The following ABTB2 variants were observed in gnomAD, a reference collection of about 807,000 sequenced individuals.
The protein encoded by ABTB2 is ankyrin repeat and BTB domain containing 2.
A neutral mutation model predicts 104.1 loss-of-function variants in ABTB2; 56 were observed. The ratio of observed to expected loss-of-function variants is 0.54; its 90% CI spans 0.43 to 0.67. ABTB2 has a LOEUF of 0.67. Ranked by LOEUF, ABTB2 falls within the 30% of genes least tolerant of loss-of-function variation. The pLI, the probability that ABTB2 is intolerant of heterozygous loss-of-function variation, is 0.00. For synonymous variants in ABTB2, 606 were observed against 608.2 expected (o/e 1.00, Z 0.05); for missense variants, 1,279 against 1,407.7 (o/e 0.91, Z 1.46).
chr11:34,342,961 ATTCG>A (rs1305425314), intron 1 of ABTB2, among the ~76,000 whole-genome samples: 2 of 149,090 alleles, frequency 1.3e-5, no homozygotes, highest in East Asian at 3.9e-4. Context: ...TTATTTATTT[ATTCG>A]TTCATTCATT....
At chr11:34,244,497 T>C (rs1853960396) in intron 1 of ABTB2, among the ~76,000 whole-genome samples, 1 of 152,226 alleles carries the variant, frequency 6.6e-6, no homozygotes, top group Non-Finnish European at 1.5e-5. Context: ...GGATATCTCA[T>C]TGTAACTGAA....
chr11:34,315,563 C>A (rs1854916399), intron 1 of ABTB2, among the ~76,000 whole-genome samples: 1 of 152,132 alleles, frequency 6.6e-6, no homozygotes, highest in African/African-American at 2.4e-5. Flanking sequence ...GTTCTGGGTT[C>A]CCATTCTCCT....
In ABTB2 at chr11:34,357,578, G is replaced by A. The variant is rs1855483872; in HGVS notation, c.6C>T (p.Ala2=). 2.6e-6 allele frequency: 4 copies of A among 1,510,336 alleles called. No homozygotes were observed. Among genetic ancestry groups the A allele is most frequent in the Non-Finnish European group, 3.5e-6 (4 of 1,128,610 alleles). 93.6% of individuals were successfully genotyped at this position (1,510,336 alleles called of 1,614,324 possible). A position where few individuals can be genotyped will look rare whatever the true frequency, so the allele number is the denominator to read the frequency against. The change falls in exon 1 of 17, where the codon GCC becomes GCT. Residue 2 remains alanine, a synonymous_variant. Coordinates refer to ENST00000435224, the MANE Select transcript of ABTB2 (RefSeq NM_145804.3). M[A]GTYSSTLKTL... ...TCTTCAGAGTCGAGCTGTACGTCCC[G>A]GCCATGGGGAGCCTGCCGAGGGCGG...
At chr11:34,164,545 C>T in intron 9 of ABTB2, 141 bp downstream of exon 9, 1 of 1,045,300 alleles carries the variant, frequency 9.6e-7, no homozygotes, top group Non-Finnish European at 1.3e-6. Flanking sequence ...CCCCATGTTT[C>T]TGGTTTACTA....
rs188330708 is a variant in ABTB2, at chr11:34,288,611, G to A, written c.883+68090C>T. The stretch of plus-strand genomic sequence containing the variant: ...CCTCATTAGTCTCTTGGTTGTTTTC[G>A]GCCCAGGAGGAGGGTAGGGGCGGGA... On this transcript the variant is annotated intron_variant, in intron 1 of 16. Transcript: ENST00000435224. 2.6e-5 allele frequency among the ~76,000 whole-genome samples: 4 copies of A among 152,092 alleles called. No homozygotes were observed. The East Asian group carries it at 5.8e-4, about 22-fold the overall frequency.
At chr11:34,251,159 A>G (rs1480822097) in intron 1 of ABTB2, among the ~76,000 whole-genome samples, 1 of 152,206 alleles carries the variant, frequency 6.6e-6, no homozygotes, top group African/African-American at 2.4e-5. Flanking sequence ...GGAGCCTCTC[A>G]GAGGCAAGGA....
intron 1 of ABTB2, among the ~76,000 whole-genome samples, chr11:34,342,801 C>T (rs1396611627): frequency 2.0e-5 from 3 of 152,176 alleles, no homozygotes; most frequent in East Asian, 3.9e-4. Context: ...ACCTGCATGA[C>T]CGTGAGCAAG....
intron 1 of ABTB2, among the ~76,000 whole-genome samples, chr11:34,320,544 C>T (rs1030494809): frequency 4.6e-5 from 7 of 152,196 alleles, no homozygotes; most frequent in Non-Finnish European, 8.8e-5. Flanking sequence ...TACCTCACCA[C>T]AGTAGAATTT....
chr11:34,164,873 G>A (rs1269099789), intron 8 of ABTB2, 52 bp from the exon 9 acceptor site: 1 of 1,560,212 alleles, frequency 6.4e-7, no homozygotes. Flanking sequence ...AGCCGCCAGG[G>A]CAGCTGAGGC....
chr11:34,213,445 C>T (rs1853508678), intron 1 of ABTB2, among the ~76,000 whole-genome samples: 1 of 152,210 alleles, frequency 6.6e-6, no homozygotes, highest in South Asian at 2.1e-4. Flanking sequence ...GCTGCCACTG[C>T]ACTCCAGCCT....
chr11:34,219,631 T>C (rs1323540543), intron 1 of ABTB2, among the ~76,000 whole-genome samples: 1 of 152,244 alleles, frequency 6.6e-6, no homozygotes, highest in African/African-American at 2.4e-5. Context: ...TTACCTTTTC[T>C]ATATTTAGAT....
At chr11:34,186,589 G>A (rs978400189) in intron 3 of ABTB2, among the ~76,000 whole-genome samples, 1 of 152,178 alleles carries the variant, frequency 6.6e-6, no homozygotes, top group Non-Finnish European at 1.5e-5. Flanking sequence ...GAAGCTCCTC[G>A]GGCCCGGCAG....
Position 34,162,902 on chromosome 11 carries a change from TCTGGGGTACCCGAGGG to T in ABTB2, c.1989-113_1989-98del, listed in dbSNP as rs1852743847. ...GTGCCCTCCTGCCCCGACGGGCTGC[TCTGGGGTACCCGAGGG>T]CTCGGAGTTTCATGGTCTTCCTCCT... On this transcript the variant is annotated intron_variant, in intron 9 of 16. Coordinates refer to ENST00000435224, the MANE Select transcript of ABTB2 (RefSeq NM_145804.3). 5 of 1,226,438 alleles carry T rather than the reference TCTGGGGTACCCGAGGG, an allele frequency of 4.1e-6. No individual in the cohort carries two copies. In the Admixed American group the frequency reaches 1.1e-4, roughly 27 times the overall value. The allele number at this position is 1,226,438 out of a possible 1,614,324, so 76.0% of individuals were successfully genotyped here.
chr11:34,337,170 G>T (rs924198011), intron 1 of ABTB2, among the ~76,000 whole-genome samples: 13 of 152,248 alleles, frequency 8.5e-5, no homozygotes, highest in African/African-American at 3.1e-4. Context: ...GCTTGCACCT[G>T]GGTGGAAACT....
intron 1 of ABTB2, among the ~76,000 whole-genome samples, chr11:34,296,022 C>G (rs1854619714): frequency 6.6e-6 from 1 of 152,156 alleles, no homozygotes; most frequent in Non-Finnish European, 1.5e-5. Context: ...GTCCCAGCTA[C>G]TTAGGAGGCT....
intron 3 of ABTB2, among the ~76,000 whole-genome samples, chr11:34,188,841 G>C (rs1017939308): frequency 6.6e-6 from 1 of 152,182 alleles, no homozygotes; most frequent in African/African-American, 2.4e-5. Context: ...TTTATGTAAA[G>C]TGCTGTCTGA....
chr11:34,213,340 C>T (rs967431713), intron 1 of ABTB2, among the ~76,000 whole-genome samples: 4 of 152,236 alleles, frequency 2.6e-5, no homozygotes, highest in Admixed American at 6.5e-5. Flanking sequence ...ATTAGCCGGG[C>T]GTGGTGGCAG....
At chr11:34,159,762 T>C in intron 13 of ABTB2, 144 bp downstream of exon 13, 1 of 681,236 alleles carries the variant, frequency 1.5e-6, no homozygotes, top group South Asian at 1.9e-5. Flanking sequence ...GTGGGGCGAG[T>C]GGGGCTCTGC....
rs1263996522 is a variant in ABTB2 at position 34,357,476 on chromosome 11, C to G, written c.108G>C (p.Lys36Asn). Residue 36 changes from lysine to asparagine, a missense_variant, in exon 1 of 17, where the codon AAG becomes AAC. Lys to Asn is a moderately conservative substitution (Grantham distance 94, BLOSUM62 0). Transcript: ENST00000435224. ...AAGAGTTGAGCGCCTGCGAGTTGGA[C>G]TTGGAGGACGAGAGGCTGAGCGAGC... ...SCRSLSLSSSKSNSQALNSSA... is the reference protein window; with the variant it reads ...SCRSLSLSSSNSNSQALNSSA... 5 of 1,546,348 alleles carry G rather than the reference C, an allele frequency of 3.2e-6. No homozygotes were observed. The African/African-American group carries it at 6.8e-5, about 21-fold the overall frequency.
Sources: gnomAD v4.1 joint callset for allele counts (sites outside exome capture counted in the v4.1 genomes callset) on GRCh38, gnomAD v4.1.1 for gene constraint, MANE v1.5 for transcripts, NCBI Gene and HGNC (gene_info 2026-07-23, HGNC 2026-07-21) for gene names.